The following HNRNPUL1 variants were observed in gnomAD, a reference collection of about 807,000 sequenced individuals.
HNRNPUL1 encodes heterogeneous nuclear ribonucleoprotein U-like protein 1.
Under a neutral mutation model 108.5 loss-of-function variants are expected in HNRNPUL1, and 14 were observed. The observed-to-expected ratio is 0.13, with a 90% CI of 0.09 to 0.20. The LOEUF (loss-of-function observed/expected upper bound fraction) is 0.20, where lower values mean the gene tolerates loss of function less well. HNRNPUL1 is among the 10% of genes least tolerant of loss of function. The pLI, the probability that HNRNPUL1 is intolerant of heterozygous loss-of-function variation, is 1.00. For synonymous variants in HNRNPUL1, 422 were observed against 445.2 expected, an observed-to-expected ratio of 0.95 and a Z score of 0.66; for missense variants, 804 against 1,168.3, an observed-to-expected ratio of 0.69 and a Z score of 4.55.
chr19:41,269,259 A>T (rs1341270848), intron 2 of HNRNPUL1, among the ~76,000 whole-genome samples: 1 of 152,094 alleles, frequency 6.6e-6, no homozygotes, highest in East Asian at 1.9e-4. Context: ...TGAGACCAGG[A>T]GTTCCAGACC....
rs200789026 is a variant in HNRNPUL1 at position 41,305,832 on chromosome 19, A to G, written c.2419A>G (p.Thr807Ala). The G allele has an allele frequency of 1.2e-5, 20 of 1,609,872 alleles. 1 individual carries two copies. The African/African-American group carries it at 2.4e-4, about 19-fold the overall frequency. ...CCCACCGCCACCCCCCACTGCACAGACCTACCCTCAGCCCAGCTATAACCA... is the reference window on the plus strand; with the variant it reads ...CCCACCGCCACCCCCCACTGCACAGGCCTACCCTCAGCCCAGCTATAACCA... ...YTPPPPPTAQ[T>A]YPQPSYNQYQ... The change falls in exon 14 of 15, where the codon ACC becomes GCC. Residue 807 changes from threonine to alanine, a missense_variant. This residue lies in a region of HNRNPUL1 where 294 missense variants were observed against 388.3 expected (regional missense o/e 0.76). Transcript: ENST00000392006.
intron 7 of HNRNPUL1, among the ~76,000 whole-genome samples, chr19:41,282,370 C>T (rs187569431): frequency 2.6e-5 from 4 of 151,990 alleles, no homozygotes; most frequent in African/African-American, 4.8e-5. Flanking sequence ...TTAGTAGAGA[C>T]GGGGTTTCTC....
At position 41,264,432 on chromosome 19, in the gene HNRNPUL1, A is replaced by G; in HGVS notation, c.-72A>G. On this transcript the variant is annotated 5_prime_UTR_variant, in exon 1 of 15. Coordinates refer to ENST00000392006, the MANE Select transcript of HNRNPUL1 (RefSeq NM_007040.6). ...CCCCTTTCCCCCTTCGCCTCCTGAC[A>G]GGAAAGGTTTAAGGGGGACAGAGCC... 2 of 1,212,742 alleles carry G rather than the reference A, an allele frequency of 1.6e-6. No individual in the cohort carries two copies. Among genetic ancestry groups the G allele is most frequent in the Non-Finnish European group, 2.1e-6 (2 of 951,906 alleles). The allele number at this position is 1,212,742 out of a possible 1,614,324, so 75.1% of individuals were successfully genotyped here.
At chr19:41,268,159 T>C (rs2304230) in intron 1 of HNRNPUL1, 64 bp from the exon 2 acceptor site, 263,470 of 1,563,580 alleles carry the variant, frequency 0.17, 23,882 homozygotes, top group East Asian at 0.3. Flanking sequence ...GCCTTCTGGA[T>C]GCTTTGGTCC....
At chr19:41,302,979 C>T (rs1405218250) in intron 12 of HNRNPUL1, 30 bp downstream of exon 12, 2 of 1,508,032 alleles carry the variant, frequency 1.3e-6, no homozygotes, top group Non-Finnish European at 1.8e-6. Flanking sequence ...GCACTCTCCA[C>T]TTTCTGTTCC....
At chr19:41,287,775 G>A (rs1374345774) in intron 7 of HNRNPUL1, among the ~76,000 whole-genome samples, 3 of 152,080 alleles carry the variant, frequency 2.0e-5, no homozygotes, top group Non-Finnish European at 4.4e-5. Context: ...GGCCAGGCTA[G>A]TCTCGAACTC....
At position 41,292,419 on chromosome 19, in the gene HNRNPUL1, T is replaced by G; in HGVS notation, c.1174T>G (p.Ser392Ala). 1 of 1,614,198 alleles carries G rather than the reference T, an allele frequency of 6.2e-7. No homozygotes were observed. The highest frequency in any genetic ancestry group is 2.2e-5 in the East Asian group (1 of 44,884). ...NFGQRAEPYC[S>A]VLPGFTFIQH... is the part of the protein sequence containing the mutation. ...CGGACAGAGAGCAGAGCCCTACTGT[T>G]CTGTCCTCCCGGGGTTTACCTTCAT... Residue 392 changes from serine to alanine, a missense_variant, in exon 8 of 15, where the codon TCT (serine) becomes GCT (alanine). Ser to Ala is a moderately conservative substitution (Grantham distance 99). Around this residue, in one of 4 missense-constraint regions of HNRNPUL1, gnomAD observed 174 missense variants for 296.6 expected, o/e 0.59. Coordinates refer to ENST00000392006, the MANE Select transcript of HNRNPUL1 (RefSeq NM_007040.6). This position sits in a 1 kb window ranked among gnomAD's most constrained non-coding sequence, Gnocchi z 4.1.
Position 41,304,105 on chromosome 19 carries a change from G to A in HNRNPUL1, c.2106G>A (p.Pro702=), listed in dbSNP as rs76985591. 3.5e-4 allele frequency: 570 copies of A among 1,613,036 alleles called. 2 individuals carry two copies. The African/African-American group carries it at 6.8e-3, about 19-fold the overall frequency. The part of the protein sequence containing the change: ...PQQQPPPQQP[P]PPQPPPQQPP... ...AACAGCCGCCACCACAGCAGCCTCC[G>A]CCACCACAGCCACCACCCCAGCAGC... Residue 702 remains proline, a synonymous_variant, in exon 13 of 15, where the codon CCG becomes CCA. Coordinates refer to ENST00000392006, the MANE Select transcript of HNRNPUL1 (RefSeq NM_007040.6).
intron 1 of HNRNPUL1, among the ~76,000 whole-genome samples, chr19:41,267,079 G>A (rs774834896): frequency 7.9e-5 from 12 of 152,182 alleles, no homozygotes; most frequent in Non-Finnish European, 1.5e-4. Context: ...TTCAAATCTG[G>A]CTTAAAGATA....
In HNRNPUL1 at chr19:41,301,520, G is replaced by A; in HGVS notation, c.1519-16G>A. 6.2e-7 allele frequency: 1 copy of A among 1,602,468 alleles called. No homozygotes were observed. Among genetic ancestry groups the A allele is most frequent in the Non-Finnish European group, 8.5e-7 (1 of 1,175,492 alleles). On this transcript the variant is annotated splice_polypyrimidine_tract_variant and intron_variant, in intron 10 of 14. Transcript: ENST00000392006. The stretch of plus-strand genomic sequence containing the variant: ...TAATGTACCATCTCTTGCCTCTTCT[G>A]TTACCTTACCCTTAGACAAATGTTT...
Position 41,264,488 on chromosome 19 carries a change from C to A in HNRNPUL1, c.-16C>A. 7.4e-7 allele frequency: 1 copy of A among 1,351,376 alleles called. No individual in the cohort carries two copies. The highest frequency in any genetic ancestry group is 9.5e-7 in the Non-Finnish European group (1 of 1,050,524). 83.7% of individuals were successfully genotyped at this position (1,351,376 alleles called of 1,614,324 possible). ...AGGCCGGGCCGGGCTCGGGGGCCAC[C>A]CCGGGGGCCCGGGCCATGGATGTGC... On this transcript the variant is annotated 5_prime_UTR_variant, in exon 1 of 15. Coordinates refer to ENST00000392006, the MANE Select transcript of HNRNPUL1 (RefSeq NM_007040.6).
chr19:41,277,251 C>G (rs951489637), intron 5 of HNRNPUL1, among the ~76,000 whole-genome samples: 1 of 152,162 alleles, frequency 6.6e-6, no homozygotes, highest in African/African-American at 2.4e-5. Flanking sequence ...CTGATGATAG[C>G]TAATAAGTAT....
chr19:41,291,964 G>A (rs537780404), intron 7 of HNRNPUL1: 129 of 416,822 alleles, frequency 3.1e-4, no homozygotes, highest in Admixed American at 6.5e-4. Flanking sequence ...TGGGGGACAG[G>A]GTGAGACCCT....
At chr19:41,277,320 A>G (rs2035624826) in intron 5 of HNRNPUL1, among the ~76,000 whole-genome samples, 2 of 152,134 alleles carry the variant, frequency 1.3e-5, no homozygotes, top group East Asian at 3.9e-4. Flanking sequence ...TATCTCCATT[A>G]ATCCTCACAG....
In HNRNPUL1 at chr19:41,305,665, C is replaced by T. The variant is rs1263695086; in HGVS notation, c.2263-11C>T. On this transcript the variant is annotated splice_polypyrimidine_tract_variant and intron_variant, in intron 13 of 14. Coordinates refer to ENST00000392006, the MANE Select transcript of HNRNPUL1 (RefSeq NM_007040.6). ...TCACAGAGCTTTGGCTTTTTTCCCTCCACTTTCCAGCCGAGTTACAGCCAG... is the reference window on the plus strand; with the variant it reads ...TCACAGAGCTTTGGCTTTTTTCCCTTCACTTTCCAGCCGAGTTACAGCCAG... The T allele has an allele frequency of 6.2e-7, 1 of 1,613,850 alleles. No individual in the cohort carries two copies. The highest frequency in any genetic ancestry group is 1.3e-5 in the African/African-American group (1 of 74,906).
intron 1 of HNRNPUL1, among the ~76,000 whole-genome samples, chr19:41,267,064 T>A (rs558535756): frequency 6.6e-6 from 1 of 152,192 alleles, no homozygotes; most frequent in Non-Finnish European, 1.5e-5. Context: ...TAAGACAGAC[T>A]TCGTTTCAAA....
chr19:41,284,695 T>A (rs1284652185), intron 7 of HNRNPUL1, among the ~76,000 whole-genome samples: 1 of 151,070 alleles, frequency 6.6e-6, no homozygotes, highest in Admixed American at 6.6e-5. Context: ...AGGTACAGAG[T>A]TGCTATAAGA....
At chr19:41,263,168 G>C (rs1292162979), upstream of HNRNPUL1, among the ~76,000 whole-genome samples, 1 of 152,084 alleles carries the variant, frequency 6.6e-6, no homozygotes, top group Non-Finnish European at 1.5e-5. Context: ...TGGCTTTTGC[G>C]GGCTTAACGT....
chr19:41,274,392 G>T (rs1163113806), intron 4 of HNRNPUL1, among the ~76,000 whole-genome samples: 2 of 152,190 alleles, frequency 1.3e-5, no homozygotes, highest in South Asian at 2.1e-4. Flanking sequence ...ACACACAGGG[G>T]TTGTCATCTA....
Sources: gnomAD v4.1 joint callset for allele counts (sites outside exome capture counted in the v4.1 genomes callset) on GRCh38, gnomAD v4.1.1 for gene constraint, gnomAD v4.1.1 regional missense constraint, Gnocchi (gnomAD v3.1) non-coding constraint, MANE v1.5 for transcripts, NCBI Gene and HGNC (gene_info 2026-07-23, HGNC 2026-07-21) for gene names.